Variants in L3MBTL4 observed in about 807,000 individuals in gnomAD.
L3MBTL4 encodes L3MBTL histone methyl-lysine binding protein 4.
Under a neutral mutation model 84.5 loss-of-function variants are expected in L3MBTL4, and 70 were observed. That is an observed-to-expected ratio of 0.83 (90% CI 0.68 to 1.01). The LOEUF is 1.01. L3MBTL4 is among the 50% of genes least tolerant of loss of function. L3MBTL4 has a pLI of 0.00. For synonymous variants in L3MBTL4, 274 were observed against 259.8 expected, an observed-to-expected ratio of 1.05 and a Z score of -0.52; for missense variants, 715 against 754.8, an observed-to-expected ratio of 0.95 and a Z score of 0.62.
At chr18:6,251,530 T>C (rs1490761971) in intron 5 of L3MBTL4, among the ~76,000 whole-genome samples, 1 of 152,210 alleles carries the variant, frequency 6.6e-6, no homozygotes, top group East Asian at 1.9e-4. Context: ...TATGCAGTGT[T>C]ATTATGCACA....
At chr18:6,231,743 G>C (rs748174037) in intron 10 of L3MBTL4, among the ~76,000 whole-genome samples, 1 of 152,018 alleles carries the variant, frequency 6.6e-6, no homozygotes, top group Non-Finnish European at 1.5e-5. Flanking sequence ...ATTTTTGTGT[G>C]TTGATTTTGT....
intron 4 of L3MBTL4, among the ~76,000 whole-genome samples, chr18:6,271,603 C>G (rs1247464219): frequency 6.6e-6 from 1 of 152,144 alleles, no homozygotes. Flanking sequence ...GATAAGTGTA[C>G]GTAATAATCT....
chr18:6,017,401 C>A (rs2055043734), intron 16 of L3MBTL4, among the ~76,000 whole-genome samples: 1 of 152,218 alleles, frequency 6.6e-6, no homozygotes. Flanking sequence ...AGTCACAGAG[C>A]AGCAGCTGTG....
At chr18:6,318,097 T>G (rs531794206) in intron 1 of L3MBTL4, among the ~76,000 whole-genome samples, 17 of 152,096 alleles carry the variant, frequency 1.1e-4, no homozygotes, top group Admixed American at 2.0e-4. Flanking sequence ...CGAGAAAGGT[T>G]AAAAGGAGTT....
rs762450756 is a variant in L3MBTL4, at chr18:6,244,493, A to G, written c.315T>C (p.Ser105=). ...PRHPSVFCVL[S]VAEVCGYRLR... ...TAACACCACCTCTTACCTCCGCTAC[A>G]GAAAGCACACAGAATACCGATGGAT... The change falls in exon 6 of 19, where the codon TCT becomes TCC. Residue 105 remains serine, a synonymous_variant. Coordinates refer to ENST00000317931, the MANE Select transcript of L3MBTL4 (RefSeq NM_001330559.2). 3 of 1,610,124 alleles carry G rather than the reference A, an allele frequency of 1.9e-6. No individual in the cohort carries two copies. In the Admixed American group the frequency reaches 5.0e-5, roughly 27 times the overall value.
At chr18:6,286,136 T>G (rs2049576291) in intron 4 of L3MBTL4, among the ~76,000 whole-genome samples, 1 of 151,530 alleles carries the variant, frequency 6.6e-6, no homozygotes, top group African/African-American at 2.4e-5. Flanking sequence ...GGCCTGAACT[T>G]TCTTTCAAAA....
At chr18:6,006,909 T>C (rs1490550396) in intron 16 of L3MBTL4, among the ~76,000 whole-genome samples, 7 of 152,268 alleles carry the variant, frequency 4.6e-5, no homozygotes, top group Non-Finnish European at 1.0e-4. Flanking sequence ...TAAAATTAAG[T>C]TGGGTTCATA....
intron 4 of L3MBTL4, among the ~76,000 whole-genome samples, chr18:6,288,924 T>A (rs932134447): frequency 6.6e-6 from 1 of 151,780 alleles, no homozygotes; most frequent in Non-Finnish European, 1.5e-5. Context: ...AGATAAAAAC[T>A]GAAACAAATT....
chr18:6,400,020 T>A (rs528453835), intron 1 of L3MBTL4, among the ~76,000 whole-genome samples: 81 of 152,246 alleles, frequency 5.3e-4, no homozygotes, highest in African/African-American at 1.8e-3. Flanking sequence ...AGAACTGAAA[T>A]CTACATTAAT....
At chr18:6,067,706 ATTTC>A (rs1308475221) in intron 16 of L3MBTL4, among the ~76,000 whole-genome samples, 1 of 152,090 alleles carries the variant, frequency 6.6e-6, no homozygotes, top group Non-Finnish European at 1.5e-5. Context: ...TAAAAAAAAA[ATTTC>A]TTTATGTTGT....
intron 15 of L3MBTL4, among the ~76,000 whole-genome samples, chr18:6,086,341 G>A (rs1598699836): frequency 6.6e-6 from 1 of 152,174 alleles, no homozygotes; most frequent in East Asian, 1.9e-4. Context: ...CTGAAAGCCT[G>A]AGCCAAGGCA....
intron 16 of L3MBTL4, among the ~76,000 whole-genome samples, chr18:6,078,166 C>A (rs1185924720): frequency 6.7e-6 from 1 of 149,408 alleles, no homozygotes; most frequent in East Asian, 2.0e-4. Context: ...GTGGCTCACA[C>A]CTGTAATCCC....
chr18:5,990,711 G>A (rs776646677), intron 16 of L3MBTL4, among the ~76,000 whole-genome samples: 1 of 151,990 alleles, frequency 6.6e-6, no homozygotes, highest in Non-Finnish European at 1.5e-5. Context: ...CAGCCAGAGA[G>A]CTATTACAAA....
At chr18:6,056,194 T>C (rs2057016419) in intron 16 of L3MBTL4, among the ~76,000 whole-genome samples, 1 of 152,068 alleles carries the variant, frequency 6.6e-6, no homozygotes. Context: ...AGAAAGGCAT[T>C]CTTCTTAAGA....
chr18:6,145,482 T>C (rs1044549837), intron 13 of L3MBTL4, among the ~76,000 whole-genome samples: 1 of 144,758 alleles, frequency 6.9e-6, no homozygotes, highest in South Asian at 2.2e-4. Flanking sequence ...TTGGCCAGCA[T>C]CAAAAAAAAA....
chr18:6,063,299 C>CTGTGTGTGTG (rs61413638), intron 16 of L3MBTL4, among the ~76,000 whole-genome samples: 6,012 of 141,168 alleles, frequency 0.043, 212 homozygotes, highest in African/African-American at 0.092. Flanking sequence ...CTATAAATAT[C>CTGTGTGTGTG]TGTGTGTGTG....
At chr18:6,413,305 T>C (rs1414889872) in intron 1 of L3MBTL4, among the ~76,000 whole-genome samples, 1 of 152,150 alleles carries the variant, frequency 6.6e-6, no homozygotes, top group Non-Finnish European at 1.5e-5. Flanking sequence ...ATGCAATACA[T>C]CCTCAATGTT....
At chr18:6,176,650 G>A (rs947969181) in intron 12 of L3MBTL4, among the ~76,000 whole-genome samples, 1 of 151,976 alleles carries the variant, frequency 6.6e-6, no homozygotes, top group African/African-American at 2.4e-5. Flanking sequence ...GAATATTCAA[G>A]GATTTATTAG....
chr18:6,115,911 C>T (rs910889142), intron 14 of L3MBTL4, among the ~76,000 whole-genome samples: 39 of 152,276 alleles, frequency 2.6e-4, no homozygotes, highest in Admixed American at 1.4e-3. Flanking sequence ...TCTGTTTGCT[C>T]GGCGCAGTCC....
Sources: allele counts gnomAD v4.1 joint callset (sites outside exome capture counted in the v4.1 genomes callset), GRCh38; gene constraint gnomAD v4.1.1; transcripts MANE v1.5; gene names NCBI Gene and HGNC (gene_info 2026-07-23, HGNC 2026-07-21).